The following TRPM8 variants were observed in gnomAD, a reference collection of about 807,000 sequenced individuals.
The protein encoded by TRPM8 is transient receptor potential cation channel subfamily M member 8.
In TRPM8, 110 loss-of-function variants were observed where a neutral mutation model predicts 133.7. That is an observed-to-expected ratio of 0.82 (90% CI 0.70 to 0.96). TRPM8 has a LOEUF of 0.96. TRPM8 is among the 40% of genes least tolerant of loss of function. TRPM8 has a pLI of 0.00. For missense variants in TRPM8, 1,291 were observed against 1,379.5 expected, an observed-to-expected ratio of 0.94 and a Z score of 1.02; for synonymous variants, 535 against 532.3, an observed-to-expected ratio of 1.01 and a Z score of -0.07.
At chr2:234,006,771 C>A in intron 22 of TRPM8, 82 bp from the exon 23 acceptor site, 1 of 1,057,732 alleles carries the variant, frequency 9.5e-7, no homozygotes, top group Non-Finnish European at 1.4e-6. Context: ...TAGAGTCTCA[C>A]AAAATGCCTT....
At chr2:233,939,758 C>T (rs1690859224) in intron 5 of TRPM8, among the ~76,000 whole-genome samples, 1 of 152,178 alleles carries the variant, frequency 6.6e-6, no homozygotes, top group Non-Finnish European at 1.5e-5. Context: ...TAACATTTCC[C>T]CACGTTTGTC....
intron 20 of TRPM8, 104 bp from the exon 21 acceptor site, chr2:233,985,584 A>G (rs1692124582): frequency 2.6e-6 from 3 of 1,145,732 alleles, no homozygotes; most frequent in Middle Eastern, 4.5e-4. Context: ...ACGAAGGCCT[A>G]AGACATTTCA....
intron 21 of TRPM8, among the ~76,000 whole-genome samples, chr2:233,995,543 G>A (rs1447168766): frequency 6.6e-6 from 1 of 152,156 alleles, no homozygotes; most frequent in African/African-American, 2.4e-5. Flanking sequence ...ATTGAGATCT[G>A]CATAACAAAA....
Position 233,996,270 on chromosome 2 carries a change from T to A in TRPM8, c.2940-56T>A, listed in dbSNP as rs554757303. Reference sequence around the variant, plus strand: ...ATACCACTATTACCATACTAGGCAGTTTAGCGATGAGGCATGCGCAATGCT... The same window carrying A: ...ATACCACTATTACCATACTAGGCAGATTAGCGATGAGGCATGCGCAATGCT... On this transcript the variant is annotated intron_variant, in intron 21 of 25. Transcript: ENST00000324695. 1.2e-5 allele frequency: 19 copies of A among 1,525,700 alleles called. No individual in the cohort carries two copies. In the Admixed American group the frequency reaches 2.1e-4, roughly 17 times the overall value. 94.5% of individuals were successfully genotyped at this position (1,525,700 alleles called of 1,614,324 possible). A position where few individuals can be genotyped will look rare whatever the true frequency, so the allele number is the denominator to read the frequency against.
chr2:233,968,225 G>A (rs898626264), intron 15 of TRPM8: 3 of 145,454 alleles, frequency 2.1e-5, no homozygotes, highest in Non-Finnish European at 4.5e-5. Flanking sequence ...CGCCACCCCC[G>A]CACCCCCTCC....
chr2:234,016,551 A>C (rs1421247549), intron 25 of TRPM8, among the ~76,000 whole-genome samples: 1 of 152,130 alleles, frequency 6.6e-6, no homozygotes, highest in Non-Finnish European at 1.5e-5. Context: ...AGTGAACTGG[A>C]AACCGTTTGA....
intron 21 of TRPM8, among the ~76,000 whole-genome samples, chr2:233,992,446 T>C (rs1455895844): frequency 1.3e-5 from 2 of 152,200 alleles, no homozygotes; most frequent in Non-Finnish European, 2.9e-5. Flanking sequence ...TCATGGTGTG[T>C]TATTCTTTTA....
chr2:233,927,868 T>TTCTC (rs765880261), intron 2 of TRPM8, among the ~76,000 whole-genome samples: 1 of 51,708 alleles, frequency 1.9e-5, no homozygotes, highest in African/African-American at 1.8e-4. Context: ...TTCTCTTTCT[T>TTCTC]TCTTTCTTTC....
chr2:233,969,710 C>A lies in TRPM8; in HGVS notation c.2041C>A (p.Gln681Lys). Reference sequence around the variant, plus strand: ...TTCCCTGTAGAATTTTCTTTCTAAGCAATGGTATGGAGAGATTTCCCGAGA... The same window carrying A: ...TTCCCTGTAGAATTTTCTTTCTAAGAAATGGTATGGAGAGATTTCCCGAGA... ...QPGVQNFLSK[Q>K]WYGEISRDTK... Residue 681 changes from glutamine to lysine, a missense_variant, in exon 16 of 26, where the codon CAA becomes AAA. By Grantham distance (53) the Gln-to-Lys change is moderately conservative. Transcript: ENST00000324695. 6.2e-7 allele frequency: 1 copy of A among 1,610,388 alleles called. No homozygotes were observed. Among genetic ancestry groups the A allele is most frequent in the Non-Finnish European group, 8.5e-7 (1 of 1,176,674 alleles).
chr2:233,953,272 C>T lies in TRPM8; in HGVS notation c.1141-645C>T, dbSNP rs533477413. ...TCCAGATCCTTATTTCCAAACGTTG[C>T]CAGGGAAACCCATCATTGCCTCAAA... On this transcript the variant is annotated intron_variant, in intron 9 of 25. Transcript: ENST00000324695. Among the ~76,000 whole-genome samples the T allele has an allele frequency of 3.3e-5, 5 of 152,308 alleles. No homozygotes were observed. The East Asian group carries it at 7.7e-4, about 24-fold the overall frequency.
intron 2 of TRPM8, among the ~76,000 whole-genome samples, chr2:233,927,242 A>G (rs1391365145): frequency 6.6e-6 from 1 of 152,214 alleles, no homozygotes; most frequent in Non-Finnish European, 1.5e-5. Flanking sequence ...TTTGGAAAGT[A>G]GGAATTGGTG....
intron 1 of TRPM8, among the ~76,000 whole-genome samples, chr2:233,926,241 G>A (rs1574687386): frequency 6.6e-6 from 1 of 152,312 alleles, no homozygotes; most frequent in Admixed American, 6.5e-5. Flanking sequence ...TTGCAGTCTG[G>A]TGGGGCCATG....
chr2:234,015,304 T>G (rs1045763311), intron 25 of TRPM8, among the ~76,000 whole-genome samples: 4 of 152,150 alleles, frequency 2.6e-5, no homozygotes, highest in African/African-American at 9.7e-5. Flanking sequence ...GAATGTTTTA[T>G]GGACACGTCG....
chr2:233,974,697 C>T (rs1396918651), intron 17 of TRPM8, among the ~76,000 whole-genome samples: 1 of 152,102 alleles, frequency 6.6e-6, no homozygotes, highest in Non-Finnish European at 1.5e-5. Context: ...GGATCTTGAG[C>T]TCTGTGGGGG....
At chr2:233,998,941 A>G (rs1692479194) in intron 22 of TRPM8, among the ~76,000 whole-genome samples, 1 of 152,186 alleles carries the variant, frequency 6.6e-6, no homozygotes, top group South Asian at 2.1e-4. Context: ...TGTGCTGACA[A>G]GGGATGTAGA....
chr2:233,945,713 G>T, intron 6 of TRPM8, 143 bp from the exon 7 acceptor site: 2 of 643,444 alleles, frequency 3.1e-6, no homozygotes. Flanking sequence ...AGATCGCTAA[G>T]ACCCCTCTGG....
At chr2:233,949,867 A>C in intron 8 of TRPM8, 82 bp from the exon 9 acceptor site, 1 of 1,333,168 alleles carries the variant, frequency 7.5e-7, no homozygotes, top group Non-Finnish European at 1.1e-6. Flanking sequence ...TGTTTCCTCC[A>C]GCTTGGCTCA....
intron 1 of TRPM8, 76 bp from the exon 2 acceptor site, chr2:233,926,457 G>A (rs28901608): frequency 0.017 from 18,274 of 1,094,078 alleles, 797 homozygotes; most frequent in East Asian, 0.16. Flanking sequence ...AGGGAAAACG[G>A]CATTGGGGTG....
intron 21 of TRPM8, among the ~76,000 whole-genome samples, chr2:233,994,280 G>A (rs904963205): frequency 6.6e-6 from 1 of 152,222 alleles, no homozygotes; most frequent in African/African-American, 2.4e-5. Flanking sequence ...GGTGGATGAT[G>A]ATGCTTGCTA....
Sources: allele counts gnomAD v4.1 joint callset (sites outside exome capture counted in the v4.1 genomes callset), GRCh38; gene constraint gnomAD v4.1.1; transcripts MANE v1.5; gene names NCBI Gene and HGNC (gene_info 2026-07-23, HGNC 2026-07-21).